LRRC4C: variants seen among roughly 807,000 people sequenced by gnomAD.
LRRC4C encodes leucine rich repeat containing 4C.
In LRRC4C, 5 loss-of-function variants were observed where a neutral mutation model predicts 33.6. The ratio of observed to expected loss-of-function variants is 0.15; its 90% CI spans 0.08 to 0.31. The LOEUF is 0.31. Ranked by LOEUF, LRRC4C falls within the 10% of genes least tolerant of loss-of-function variation. The pLI, the probability that LRRC4C is intolerant of heterozygous loss-of-function variation, is 1.00. For synonymous variants in LRRC4C, 329 were observed against 302.0 expected, an observed-to-expected ratio of 1.09 and a Z score of -0.93; for missense variants, 560 against 796.7, an observed-to-expected ratio of 0.70 and a Z score of 3.58.
intron 4 of LRRC4C, among the ~76,000 whole-genome samples, chr11:40,252,262 C>T: frequency 6.6e-6 from 1 of 151,848 alleles, no homozygotes; most frequent in East Asian, 1.9e-4. Context: ...CACGAATACA[C>T]ATTTATACAC....
chr11:40,258,655 T>C (rs1867424662), intron 4 of LRRC4C, among the ~76,000 whole-genome samples: 1 of 152,198 alleles, frequency 6.6e-6, no homozygotes, highest in African/African-American at 2.4e-5. Flanking sequence ...TCTGAGTTGT[T>C]AGGCTTATCT....
intron 1 of LRRC4C, among the ~76,000 whole-genome samples, chr11:41,286,051 G>A (rs185921036): frequency 2.6e-5 from 4 of 151,896 alleles, no homozygotes; most frequent in East Asian, 3.9e-4. Context: ...GGATGGACTC[G>A]ATCTCCTGAC....
intron 5 of LRRC4C, among the ~76,000 whole-genome samples, chr11:40,223,930 T>G (rs1318586020): frequency 6.6e-6 from 1 of 152,240 alleles, no homozygotes; most frequent in Non-Finnish European, 1.5e-5. Context: ...CTACTGCAAA[T>G]TAATTTTTAA....
intron 1 of LRRC4C, among the ~76,000 whole-genome samples, chr11:40,990,964 G>T (rs1336969164): frequency 6.6e-6 from 1 of 150,698 alleles, no homozygotes; most frequent in Non-Finnish European, 1.5e-5. Flanking sequence ...ACTAGTTCCT[G>T]TTTTTTATGG....
chr11:40,153,083 C>G (rs1858361223), intron 5 of LRRC4C, among the ~76,000 whole-genome samples: 3 of 152,176 alleles, frequency 2.0e-5, no homozygotes, highest in Admixed American at 2.0e-4. Flanking sequence ...ATATTCATGA[C>G]TGAGAGACCC....
intron 1 of LRRC4C, among the ~76,000 whole-genome samples, chr11:41,276,342 G>C (rs189766698): frequency 7.5e-6 from 1 of 133,310 alleles, no homozygotes; most frequent in African/African-American, 2.5e-5. Context: ...TTAGCTCCTT[G>C]AACATGCCCA....
intron 1 of LRRC4C, among the ~76,000 whole-genome samples, chr11:41,148,637 C>T (rs181249349): frequency 6.6e-6 from 1 of 151,986 alleles, no homozygotes; most frequent in Admixed American, 6.6e-5. Context: ...ACCCGGGAAA[C>T]AACTAGGGGA....
chr11:40,661,615 G>A (rs1247667776), intron 2 of LRRC4C, among the ~76,000 whole-genome samples: 1 of 152,038 alleles, frequency 6.6e-6, no homozygotes, highest in East Asian at 1.9e-4. Context: ...TGGTAATAAT[G>A]GTATTTAACT....
chr11:40,688,192 A>C (rs1468719723), intron 2 of LRRC4C, among the ~76,000 whole-genome samples: 1 of 152,144 alleles, frequency 6.6e-6, no homozygotes, highest in East Asian at 1.9e-4. Context: ...AGCTGCTGCT[A>C]TGGGTAGATG....
intron 3 of LRRC4C, among the ~76,000 whole-genome samples, chr11:40,471,682 C>A (rs1488040675): frequency 8.7e-4 from 114 of 130,868 alleles, no homozygotes; most frequent in East Asian, 1.1e-3. Flanking sequence ...AATGGAAAGC[C>A]AAAAAAAAAA....
chr11:40,365,396 A>G (rs1948162293), intron 3 of LRRC4C, among the ~76,000 whole-genome samples: 1 of 152,042 alleles, frequency 6.6e-6, no homozygotes, highest in Non-Finnish European at 1.5e-5. Context: ...AACCTTAGAG[A>G]AGTTGCTTCT....
intron 3 of LRRC4C, among the ~76,000 whole-genome samples, chr11:40,529,008 T>C (rs1565476984): frequency 6.6e-6 from 1 of 152,058 alleles, no homozygotes; most frequent in Non-Finnish European, 1.5e-5. Context: ...AGAGTTGCTG[T>C]TCAATTGGTA....
intron 1 of LRRC4C, among the ~76,000 whole-genome samples, chr11:41,177,533 T>C (rs1383611347): frequency 6.6e-6 from 1 of 152,156 alleles, no homozygotes; most frequent in Non-Finnish European, 1.5e-5. Flanking sequence ...TATCTGCCTA[T>C]GTGCTCCTCC....
intron 1 of LRRC4C, among the ~76,000 whole-genome samples, chr11:41,283,852 T>C (rs1486552408): frequency 6.6e-6 from 1 of 152,208 alleles, no homozygotes; most frequent in Non-Finnish European, 1.5e-5. Flanking sequence ...CACTAGAAAA[T>C]ACATTTATCT....
At chr11:40,463,589 A>G (rs1952512709) in intron 3 of LRRC4C, among the ~76,000 whole-genome samples, 1 of 152,084 alleles carries the variant, frequency 6.6e-6, no homozygotes. Context: ...CTCAATGTAA[A>G]AAAGAAGTTT....
chr11:40,600,462 A>G (rs890513431), intron 3 of LRRC4C, among the ~76,000 whole-genome samples: 1 of 152,206 alleles, frequency 6.6e-6, no homozygotes. Flanking sequence ...GTGGTTTTTC[A>G]ATAGGACACT....
chr11:41,255,395 A>AT (rs1948767652), intron 1 of LRRC4C, among the ~76,000 whole-genome samples: 1 of 152,066 alleles, frequency 6.6e-6, no homozygotes, highest in Non-Finnish European at 1.5e-5. Flanking sequence ...TATAGTAGAG[A>AT]TTTTAAAGGG....
At chr11:40,578,286 G>A (rs1958310746) in intron 3 of LRRC4C, among the ~76,000 whole-genome samples, 1 of 150,582 alleles carries the variant, frequency 6.6e-6, no homozygotes, top group African/African-American at 2.4e-5. Context: ...TAACACGCAG[G>A]GAAAACTTTT....
intron 4 of LRRC4C, among the ~76,000 whole-genome samples, chr11:40,268,598 A>G (rs567669339): frequency 2.4e-4 from 37 of 152,260 alleles, no homozygotes; most frequent in African/African-American, 8.4e-4. Context: ...GGAAAACCCC[A>G]TAATTTTCAG....
Sources: allele counts gnomAD v4.1 joint callset (sites outside exome capture counted in the v4.1 genomes callset), GRCh38; gene constraint gnomAD v4.1.1; transcripts MANE v1.5; gene names NCBI Gene and HGNC (gene_info 2026-07-23, HGNC 2026-07-21).